The following NFX1 variants were observed in gnomAD, a reference collection of about 807,000 sequenced individuals.
The protein encoded by NFX1 is transcriptional repressor NF-X1.
A neutral mutation model predicts 137.2 loss-of-function variants in NFX1; 69 were observed. The ratio of observed to expected loss-of-function variants is 0.50; its 90% confidence interval spans 0.41 to 0.61. The LOEUF is 0.61. Among genes scored for constraint, NFX1 ranks in the 20% least tolerant of loss-of-function variants. The probability of loss-of-function intolerance (pLI) is 0.00; values close to 1 mark genes in which losing one functional copy is unlikely to be tolerated. For synonymous variants in NFX1, 495 were observed against 474.1 expected (o/e 1.04, Z -0.57); for missense variants, 1,167 against 1,391.0 (o/e 0.84, Z 2.56).
At chr9:33,312,917 A>G (rs1267332992) in intron 6 of NFX1, among the ~76,000 whole-genome samples, 1 of 152,220 alleles carries the variant, frequency 6.6e-6, no homozygotes, top group Non-Finnish European at 1.5e-5. Flanking sequence ...TTCTCTCAGC[A>G]AAATCAGGAT....
intron 22 of NFX1, 141 bp from the exon 23 acceptor site, chr9:33,367,374 C>A: frequency 1.4e-6 from 1 of 733,706 alleles, no homozygotes; most frequent in Non-Finnish European, 2.3e-6. Flanking sequence ...TGCAGGTGGC[C>A]ATGTCTGAGA....
intron 23 of NFX1, 103 bp downstream of exon 23, chr9:33,367,722 C>T: frequency 9.2e-7 from 1 of 1,085,756 alleles, no homozygotes; most frequent in Non-Finnish European, 1.4e-6. Flanking sequence ...CCTCCTCAGG[C>T]CTGGCCTTGG....
At chr9:33,308,437 GTC>G (rs1198526083) in intron 5 of NFX1, among the ~76,000 whole-genome samples, 1 of 152,102 alleles carries the variant, frequency 6.6e-6, no homozygotes. Context: ...GCAAGACCAT[GTC>G]TCTAAAAATA....
intron 7 of NFX1, among the ~76,000 whole-genome samples, chr9:33,317,422 A>G (rs78099178): frequency 1.3e-5 from 2 of 148,768 alleles, no homozygotes; most frequent in African/African-American, 4.9e-5. Flanking sequence ...CTGTCTCCAA[A>G]AAAAAAAAAA....
Position 33,301,392 on chromosome 9 carries a change from A to C in NFX1, c.1163A>C (p.Lys388Thr). ...GTGTTTCATTTGAACTGCATAAAGA[A>C]ATGGGCAAGGTCTCCAGCATCTCAA... ...YHVFHLNCIK[K>T]WARSPASQAD... Residue 388 changes from lysine to threonine, a missense_variant, in exon 3 of 24, where the codon AAA becomes ACA. Lys to Thr is a moderately conservative substitution (Grantham distance 78). Around this residue, in one of 3 missense-constraint regions of NFX1, gnomAD observed 488 missense variants for 691.5 expected, o/e 0.71. Coordinates refer to ENST00000379540, the MANE Select transcript of NFX1 (RefSeq NM_002504.6). 2 of 1,614,032 alleles carry C rather than the reference A, an allele frequency of 1.2e-6. No individual in the cohort carries two copies. The highest frequency in any genetic ancestry group is 1.7e-6 in the Non-Finnish European group (2 of 1,179,984).
At chr9:33,291,067 T>A (rs1821142303) in intron 1 of NFX1, among the ~76,000 whole-genome samples, 1 of 152,208 alleles carries the variant, frequency 6.6e-6, no homozygotes, top group South Asian at 2.1e-4. Context: ...CTCAGTCTCC[T>A]CATCTGTCAG....
chr9:33,354,312 A>T (rs1234893825), intron 18 of NFX1, 125 bp downstream of exon 18: 1 of 760,050 alleles, frequency 1.3e-6, no homozygotes, highest in Non-Finnish European at 2.1e-6. Context: ...TATTCAATAG[A>T]CAATTTGATG....
intron 9 of NFX1, among the ~76,000 whole-genome samples, chr9:33,320,447 C>T (rs895110447): frequency 1.1e-4 from 16 of 152,158 alleles, no homozygotes; most frequent in Non-Finnish European, 2.9e-5. Flanking sequence ...TACCAATGAG[C>T]AGTTTGAATT....
At chr9:33,369,840 T>G in intron 23 of NFX1, 66 bp from the exon 24 acceptor site, 1 of 1,134,874 alleles carries the variant, frequency 8.8e-7, no homozygotes, top group South Asian at 1.3e-5. Flanking sequence ...ATCCTTAACT[T>G]TCTGAAGTCC....
chr9:33,333,672 C>T (rs539327065), intron 11 of NFX1, among the ~76,000 whole-genome samples: 1 of 152,298 alleles, frequency 6.6e-6, no homozygotes, highest in African/African-American at 2.4e-5. Context: ...ACACAACATC[C>T]ACCCCTGGAA....
intron 7 of NFX1, 126 bp downstream of exon 7, chr9:33,313,919 G>A: frequency 1.2e-6 from 1 of 848,238 alleles, no homozygotes; most frequent in Non-Finnish European, 1.8e-6. Context: ...GAGAGAACTG[G>A]AGATACGATG....
intron 7 of NFX1, among the ~76,000 whole-genome samples, chr9:33,317,466 G>A (rs551688583): frequency 2.7e-5 from 4 of 149,118 alleles, no homozygotes; most frequent in Non-Finnish European, 1.5e-5. Flanking sequence ...AATTGCACAT[G>A]CACTTACTGG....
intron 20 of NFX1, among the ~76,000 whole-genome samples, chr9:33,364,418 C>A (rs1824108280): frequency 6.6e-6 from 1 of 152,154 alleles, no homozygotes; most frequent in African/African-American, 2.4e-5. Flanking sequence ...CACTTCTGTC[C>A]ACCCCAGTCT....
chr9:33,304,152 C>G (rs541520146), intron 4 of NFX1, among the ~76,000 whole-genome samples: 32 of 152,166 alleles, frequency 2.1e-4, no homozygotes, highest in Non-Finnish European at 2.8e-4. Context: ...ATCCCAGCTA[C>G]TTGGGAGGCT....
intron 9 of NFX1, among the ~76,000 whole-genome samples, chr9:33,325,211 T>C (rs567753032): frequency 1.3e-5 from 2 of 152,182 alleles, no homozygotes; most frequent in East Asian, 3.9e-4. Flanking sequence ...ATGCTAAAAG[T>C]TAATGATAAG....
chr9:33,344,675 G>A (rs949901316), intron 14 of NFX1, among the ~76,000 whole-genome samples: 15 of 151,464 alleles, frequency 9.9e-5, no homozygotes, highest in Admixed American at 2.6e-4. Flanking sequence ...AGACCATCCT[G>A]CCCAACATGG....
chr9:33,368,970 G>C (rs1824248620), intron 23 of NFX1, among the ~76,000 whole-genome samples: 1 of 152,228 alleles, frequency 6.6e-6, no homozygotes, highest in African/African-American at 2.4e-5. Context: ...TTGGAAACAT[G>C]AGGGGTTTTC....
chr9:33,301,171 C>T, intron 2 of NFX1, 92 bp from the exon 3 acceptor site: 1 of 1,173,188 alleles, frequency 8.5e-7, no homozygotes. Context: ...GGATTCTTCT[C>T]TTGAGTGACT....
intron 2 of NFX1, among the ~76,000 whole-genome samples, chr9:33,295,769 A>C (rs1821333421): frequency 6.6e-6 from 1 of 152,190 alleles, no homozygotes; most frequent in East Asian, 1.9e-4. Context: ...GGTGGGTGGT[A>C]ACATCTCTGC....
Sources: allele counts gnomAD v4.1 joint callset (sites outside exome capture counted in the v4.1 genomes callset), GRCh38; gene constraint gnomAD v4.1.1; regional missense constraint gnomAD v4.1.1; transcripts MANE v1.5; gene names NCBI Gene and HGNC (gene_info 2026-07-23, HGNC 2026-07-21).